NRP2: variants seen among roughly 807,000 people sequenced by gnomAD.
NRP2 encodes the protein neuropilin-2.
Under a neutral mutation model 110.4 loss-of-function variants are expected in NRP2, and 52 were observed. That is an observed-to-expected ratio of 0.47 (90% CI 0.38 to 0.59). The LOEUF (loss-of-function observed/expected upper bound fraction) is 0.59, where lower values mean the gene tolerates loss of function less well. Ranked by LOEUF, NRP2 falls within the 20% of genes least tolerant of loss-of-function variation. The pLI, the probability that NRP2 is intolerant of heterozygous loss-of-function variation, is 0.00. For missense variants in NRP2, 1,049 were observed against 1,203.0 expected (o/e 0.87, Z 1.89); for synonymous variants, 508 against 468.9 (o/e 1.08, Z -1.08).
At chr2:205,766,719 C>A (rs1026777830) in intron 14 of NRP2, 64 bp from the exon 15 acceptor site, 1 of 1,404,842 alleles carries the variant, frequency 7.1e-7, no homozygotes, top group Non-Finnish European at 1.0e-6. Context: ...CAATTATTCA[C>A]TCTATGTTCA....
chr2:205,781,757 C>A (rs1274666666), intron 15 of NRP2, among the ~76,000 whole-genome samples: 4 of 152,138 alleles, frequency 2.6e-5, no homozygotes, highest in Admixed American at 1.3e-4. Flanking sequence ...CAAAACAAAT[C>A]CAACCAGAGA....
At chr2:205,723,493 C>T (rs2057062176) in intron 4 of NRP2, among the ~76,000 whole-genome samples, 1 of 152,200 alleles carries the variant, frequency 6.6e-6, no homozygotes, top group Non-Finnish European at 1.5e-5. Flanking sequence ...CAGTTTCTTC[C>T]TCTGTAGAAC....
intron 9 of NRP2, among the ~76,000 whole-genome samples, chr2:205,744,669 A>C (rs1454881902): frequency 6.6e-6 from 1 of 152,164 alleles, no homozygotes; most frequent in Non-Finnish European, 1.5e-5. Flanking sequence ...CAGGTCCCTA[A>C]AAAAGGAGGG....
chr2:205,747,823 G>T (rs1345832035), intron 10 of NRP2, among the ~76,000 whole-genome samples: 7 of 151,788 alleles, frequency 4.6e-5, no homozygotes, highest in Non-Finnish European at 7.4e-5. Flanking sequence ...TTCCTTCATT[G>T]CTCCCCAATC....
intron 16 of NRP2, among the ~76,000 whole-genome samples, chr2:205,794,236 A>G (rs1007023816): frequency 3.3e-5 from 5 of 151,916 alleles, no homozygotes; most frequent in African/African-American, 7.3e-5. Context: ...TCAGCCTCCC[A>G]AGTAGCTGGG....
At chr2:205,699,788 C>G (rs1261633161) in intron 2 of NRP2, among the ~76,000 whole-genome samples, 1 of 152,134 alleles carries the variant, frequency 6.6e-6, no homozygotes, top group African/African-American at 2.4e-5. Flanking sequence ...GTTTTTCTCC[C>G]CATTCCATGA....
intron 6 of NRP2, among the ~76,000 whole-genome samples, chr2:205,726,593 A>C (rs1467783948): frequency 6.6e-6 from 1 of 152,208 alleles, no homozygotes; most frequent in Admixed American, 6.5e-5. Flanking sequence ...AAGGTGCCCC[A>C]GATGCTCGGC....
chr2:205,765,787 C>A lies in NRP2; in HGVS notation c.2404+217C>A, dbSNP rs2057908497. ...AAGGGGACGGCTTATATCCCTGTTC[C>A]CAATCAGAAATAGACATGCACTAAG... is the stretch of plus-strand genomic sequence containing the variant. On this transcript the variant is annotated intron_variant, in intron 14 of 16. Coordinates refer to ENST00000357785, the MANE Select transcript of NRP2 (RefSeq NM_003872.3). The A allele has an allele frequency of 1.2e-5, 8 of 687,024 alleles. 1 individual carries two copies. The highest frequency in any genetic ancestry group is 1.9e-5 in the Non-Finnish European group (7 of 369,016). The allele number at this position is 687,024 out of a possible 1,614,324, so 42.6% of individuals were successfully genotyped here. A position where few individuals can be genotyped will look rare whatever the true frequency, so the allele number is the denominator to read the frequency against.
chr2:205,778,677 C>A (rs2058137058), intron 15 of NRP2: 1 of 152,218 alleles, frequency 6.6e-6, no homozygotes, highest in African/African-American at 2.4e-5. Context: ...GAAAATACAG[C>A]CAGTGTAGTG....
chr2:205,707,231 G>A (rs73062302), intron 2 of NRP2, among the ~76,000 whole-genome samples: 1 of 152,218 alleles, frequency 6.6e-6, no homozygotes, highest in African/African-American at 2.4e-5. Context: ...GGCCCGGGCT[G>A]CCTGTGCAGC....
At chr2:205,753,818 T>C (rs913311746) in intron 12 of NRP2, among the ~76,000 whole-genome samples, 4 of 152,174 alleles carry the variant, frequency 2.6e-5, no homozygotes, top group African/African-American at 9.7e-5. Context: ...TCAATGGAGA[T>C]GGAGTTGAGA....
intron 2 of NRP2, among the ~76,000 whole-genome samples, chr2:205,702,772 A>G (rs1241938104): frequency 6.6e-6 from 1 of 152,158 alleles, no homozygotes; most frequent in Non-Finnish European, 1.5e-5. Context: ...AACACCCTCG[A>G]TTCCCTGCAA....
rs1437081655 is a variant in NRP2, at chr2:205,725,748, T to C, written c.821-165T>C. Among the ~76,000 whole-genome samples the C allele has an allele frequency of 6.6e-6, 1 of 152,228 alleles. No homozygotes were observed. Among genetic ancestry groups the C allele is most frequent in the Non-Finnish European group, 1.5e-5 (1 of 68,036 alleles). ...CTCAGACCCAGAGGGGTTGTCAAGCTCCATGACTTGATGTAGTTGTTTTTA... is the reference window on the plus strand; with the variant it reads ...CTCAGACCCAGAGGGGTTGTCAAGCCCCATGACTTGATGTAGTTGTTTTTA... On this transcript the variant is annotated intron_variant, in intron 5 of 16. Coordinates refer to ENST00000357785, the MANE Select transcript of NRP2 (RefSeq NM_003872.3). The surrounding 1 kb of genome is among the most constrained non-coding windows in gnomAD (Gnocchi z 4.1).
chr2:205,703,602 C>T (rs2056608560), intron 2 of NRP2, among the ~76,000 whole-genome samples: 1 of 152,158 alleles, frequency 6.6e-6, no homozygotes, highest in African/African-American at 2.4e-5. Context: ...ATGATATGGA[C>T]CTGTTACGTG....
rs1183175627 is a variant in NRP2 at position 205,761,119 on chromosome 2, G to A, written c.2045-2555G>A. Among the ~76,000 whole-genome samples, 6 of 152,180 alleles carry A rather than the reference G, an allele frequency of 3.9e-5. No individual in the cohort carries two copies. In the East Asian group the frequency reaches 1.2e-3, roughly 29 times the overall value. On this transcript the variant is annotated intron_variant, in intron 12 of 16. Coordinates refer to ENST00000357785, the MANE Select transcript of NRP2 (RefSeq NM_003872.3). Reference sequence around the variant, plus strand: ...TGAAAGTGGCTGTTGGCTTGGGAGGGTAGAGGGAATTGTGAAGGGATTATA... The same window carrying A: ...TGAAAGTGGCTGTTGGCTTGGGAGGATAGAGGGAATTGTGAAGGGATTATA...
At chr2:205,776,331 C>T in intron 15 of NRP2, 1 of 1,612,968 alleles carries the variant, frequency 6.2e-7, no homozygotes, top group Non-Finnish European at 8.5e-7. Context: ...ACGTAATGGC[C>T]GCCGGGGGCG....
chr2:205,757,367 A>T (rs1381509939), intron 12 of NRP2, among the ~76,000 whole-genome samples: 1 of 152,210 alleles, frequency 6.6e-6, no homozygotes, highest in African/African-American at 2.4e-5. Context: ...GGCTATTTTG[A>T]TGCAGACTGA....
At chr2:205,755,611 A>G (rs1023243865) in intron 12 of NRP2, among the ~76,000 whole-genome samples, 20 of 143,614 alleles carry the variant, frequency 1.4e-4, no homozygotes, top group South Asian at 4.4e-4. Flanking sequence ...CTCCATAGGG[A>G]AAAAAAAAAA....
intron 3 of NRP2, among the ~76,000 whole-genome samples, chr2:205,719,116 A>G (rs2056960825): frequency 6.6e-6 from 1 of 152,224 alleles, no homozygotes; most frequent in South Asian, 2.1e-4. Flanking sequence ...TCCACAGAAC[A>G]TGAAAGAAAT....
Sources: gnomAD v4.1 joint callset for allele counts (sites outside exome capture counted in the v4.1 genomes callset) on GRCh38, gnomAD v4.1.1 for gene constraint, Gnocchi (gnomAD v3.1) non-coding constraint, MANE v1.5 for transcripts, NCBI Gene and HGNC (gene_info 2026-07-23, HGNC 2026-07-21) for gene names.